RBFOX1: variants seen among roughly 807,000 people sequenced by gnomAD.
RBFOX1 encodes the protein RNA binding fox-1 homolog 1.
Under a neutral mutation model 57.7 loss-of-function variants are expected in RBFOX1, and 8 were observed. That is an observed-to-expected ratio of 0.14 (90% CI 0.08 to 0.25). The LOEUF (loss-of-function observed/expected upper bound fraction) is 0.25, where lower values mean the gene tolerates loss of function less well. Ranked by LOEUF, RBFOX1 falls within the 10% of genes least tolerant of loss-of-function variation. The pLI is 1.00. For missense variants in RBFOX1, 611 were observed against 548.5 expected (o/e 1.11, Z -1.14); for synonymous variants, 326 against 222.4 (o/e 1.47, Z -4.15).
At chr16:6,720,739 G>A (rs991945379) in intron 3 of RBFOX1, among the ~76,000 whole-genome samples, 2 of 152,202 alleles carry the variant, frequency 1.3e-5, no homozygotes, top group Non-Finnish European at 2.9e-5. Flanking sequence ...TTGGAAACAT[G>A]AGCTTCATTT....
At chr16:7,630,911 G>T (rs1454255383) in intron 11 of RBFOX1, among the ~76,000 whole-genome samples, 1 of 152,178 alleles carries the variant, frequency 6.6e-6, no homozygotes, top group African/African-American at 2.4e-5. Context: ...TGGGAATGTG[G>T]GCATGGGGTT....
intron 2 of RBFOX1, among the ~76,000 whole-genome samples, chr16:6,537,245 C>T (rs1372161002): frequency 1.3e-5 from 2 of 152,068 alleles, no homozygotes; most frequent in African/African-American, 4.8e-5. Context: ...GTTCCTGATG[C>T]CGGTTCGTGC....
chr16:7,396,099 T>TC (rs1381402178), intron 4 of RBFOX1, among the ~76,000 whole-genome samples: 1 of 152,054 alleles, frequency 6.6e-6, no homozygotes, highest in Non-Finnish European at 1.5e-5. Flanking sequence ...CTTGTAAGTG[T>TC]CAGGGGAGGG....
intron 2 of RBFOX1, among the ~76,000 whole-genome samples, chr16:5,488,036 G>A (rs935718102): frequency 6.6e-6 from 1 of 152,122 alleles, no homozygotes; most frequent in African/African-American, 2.4e-5. Context: ...TGTGGTGCTG[G>A]TGGTGATGAT....
intron 1 of RBFOX1, among the ~76,000 whole-genome samples, chr16:5,413,446 A>T (rs1210813815): frequency 6.6e-6 from 1 of 152,198 alleles, no homozygotes; most frequent in Non-Finnish European, 1.5e-5. Context: ...AAATTCAAAT[A>T]ATTAAAATAC....
chr16:6,676,564 T>C (rs1024525138), intron 3 of RBFOX1, among the ~76,000 whole-genome samples: 1 of 152,232 alleles, frequency 6.6e-6, no homozygotes, highest in Admixed American at 6.5e-5. Flanking sequence ...CCTATCAATA[T>C]GTAAGCTATT....
At chr16:5,833,844 T>G (rs1219882828) in intron 3 of RBFOX1, among the ~76,000 whole-genome samples, 2 of 152,236 alleles carry the variant, frequency 1.3e-5, no homozygotes, top group East Asian at 3.9e-4. Context: ...GATTGGAGTC[T>G]CTTATGCATC....
intron 4 of RBFOX1, among the ~76,000 whole-genome samples, chr16:7,139,583 T>C (rs2073083514): frequency 6.6e-6 from 1 of 152,138 alleles, no homozygotes; most frequent in African/African-American, 2.4e-5. Flanking sequence ...TAACTTCTAC[T>C]ACTACTACTT....
intron 4 of RBFOX1, among the ~76,000 whole-genome samples, chr16:7,443,395 T>G (rs2098784407): frequency 6.6e-6 from 1 of 151,974 alleles, no homozygotes; most frequent in South Asian, 2.1e-4. Flanking sequence ...ATCATGTAAT[T>G]GATTTAATAA....
At chr16:5,459,232 C>T (rs184671321) in intron 1 of RBFOX1, among the ~76,000 whole-genome samples, 1 of 152,332 alleles carries the variant, frequency 6.6e-6, no homozygotes, top group Admixed American at 6.5e-5. Flanking sequence ...TGACCCTTGT[C>T]CTCTGTGCTT....
At chr16:7,700,766 A>T (rs1016139) in intron 14 of RBFOX1, among the ~76,000 whole-genome samples, 1 of 152,106 alleles carries the variant, frequency 6.6e-6, no homozygotes, top group African/African-American at 2.4e-5. Context: ...CTCTACTCCG[A>T]GAGTGGCTGC....
intron 2 of RBFOX1, among the ~76,000 whole-genome samples, chr16:6,560,408 G>T (rs1034825420): frequency 6.6e-6 from 1 of 152,108 alleles, no homozygotes; most frequent in African/African-American, 2.4e-5. Context: ...TACTGTGAAG[G>T]TGACATTTTG....
At chr16:5,545,435 A>G (rs1001948796) in intron 2 of RBFOX1, among the ~76,000 whole-genome samples, 9 of 152,204 alleles carry the variant, frequency 5.9e-5, no homozygotes, top group Admixed American at 5.9e-4. Context: ...TCCAATATCT[A>G]TCATGAATAT....
chr16:6,741,453 C>G (rs889586175), intron 3 of RBFOX1, among the ~76,000 whole-genome samples: 6 of 152,014 alleles, frequency 3.9e-5, no homozygotes, highest in African/African-American at 1.2e-4. Flanking sequence ...AACCTGAGGT[C>G]AGGAGTTCGA....
intron 4 of RBFOX1, among the ~76,000 whole-genome samples, chr16:5,971,539 A>C (rs2059961816): frequency 6.6e-6 from 1 of 152,172 alleles, no homozygotes; most frequent in Non-Finnish European, 1.5e-5. Flanking sequence ...GAAAGCAAAT[A>C]ATTGGGGCAG....
chr16:7,697,813 C>G (rs1291331236), intron 14 of RBFOX1, among the ~76,000 whole-genome samples: 2 of 152,176 alleles, frequency 1.3e-5, no homozygotes, highest in East Asian at 1.9e-4. Flanking sequence ...TCCTATGAAA[C>G]TAGTATTTTG....
At chr16:6,943,795 T>A (rs112040591) in intron 3 of RBFOX1, among the ~76,000 whole-genome samples, 111 of 152,152 alleles carry the variant, frequency 7.3e-4, no homozygotes, top group African/African-American at 2.7e-3. Flanking sequence ...ACTCATAGAC[T>A]GTTAAGTGTT....
At chr16:6,027,683 T>C (rs986295127) in intron 1 of RBFOX1, among the ~76,000 whole-genome samples, 1 of 152,222 alleles carries the variant, frequency 6.6e-6, no homozygotes, top group Non-Finnish European at 1.5e-5. Context: ...TGACGATTAC[T>C]ATTATCCATT....
chr16:6,695,099 C>T (rs2060817798), intron 3 of RBFOX1, among the ~76,000 whole-genome samples: 1 of 151,928 alleles, frequency 6.6e-6, no homozygotes, highest in Non-Finnish European at 1.5e-5. Context: ...GCCCTTGTCC[C>T]AGTGAATATT....
Sources: allele counts gnomAD v4.1 joint callset (sites outside exome capture counted in the v4.1 genomes callset), GRCh38; gene constraint gnomAD v4.1.1; transcripts MANE v1.5; gene names NCBI Gene and HGNC (gene_info 2026-07-23, HGNC 2026-07-21).